The following OR51B5 variants were observed in gnomAD, a reference collection of about 807,000 sequenced individuals.
OR51B5 encodes the protein olfactory receptor 51B5.
For synonymous variants in OR51B5, 186 were observed against 144.8 expected (o/e 1.28, Z -2.04); for missense variants, 456 against 374.6 (o/e 1.22, Z -1.79).
At chr11:5,347,417 C>G (rs1480916012), upstream of OR51B5, among the ~76,000 whole-genome samples, 1 of 152,168 alleles carries the variant, frequency 6.6e-6, no homozygotes, top group Non-Finnish European at 1.5e-5. Context: ...CTGCAGTTAT[C>G]ACTAACTATT....
intron 1 of OR51B5, among the ~76,000 whole-genome samples, chr11:5,350,440 G>C (rs1414660551): frequency 6.6e-6 from 1 of 152,102 alleles, no homozygotes; most frequent in African/African-American, 2.4e-5. Flanking sequence ...AACCATAAGA[G>C]AAGGTGGGCC....
At chr11:5,363,797 A>G (rs1056136579) in intron 1 of OR51B5, among the ~76,000 whole-genome samples, 6 of 152,186 alleles carry the variant, frequency 3.9e-5, no homozygotes, top group Non-Finnish European at 5.9e-5. Flanking sequence ...ACCATATGCA[A>G]TACATCCAGA....
chr11:5,373,481 G>A (rs908424121), intron 1 of OR51B5, among the ~76,000 whole-genome samples: 6 of 152,114 alleles, frequency 3.9e-5, no homozygotes, highest in Non-Finnish European at 1.5e-5. Flanking sequence ...GTGGGCACAG[G>A]TCAGTGGGTG....
At chr11:5,489,322 G>C (rs761438834) in intron 1 of OR51B5, 1 of 1,613,748 alleles carries the variant, frequency 6.2e-7, no homozygotes, top group South Asian at 1.1e-5. Flanking sequence ...GCTAACTGTG[G>C]CTCTGCTGGC....
intron 1 of OR51B5, chr11:5,489,819 A>G (rs1851557160): frequency 1.6e-6 from 1 of 633,798 alleles, no homozygotes. Flanking sequence ...GCTATCAATT[A>G]TCACACTGAA....
chr11:5,412,398 G>A (rs569241860), intron 1 of OR51B5, among the ~76,000 whole-genome samples: 1 of 152,272 alleles, frequency 6.6e-6, no homozygotes. Context: ...TTCCATCTGA[G>A]GTATCAGGTT....
rs543359364 is a variant in OR51B5 at position 5,360,642 on chromosome 11, T to C, written n.85-13732A>G. Among the ~76,000 whole-genome samples the C allele has an allele frequency of 8.5e-5, 13 of 152,262 alleles. No homozygotes were observed. The South Asian group carries it at 2.1e-3, about 24-fold the overall frequency. The stretch of plus-strand genomic sequence containing the variant: ...TTGACCCAGCCATCCCATTACTGGG[T>C]ACATACTCAAAGGATTATAAATCAT... On this transcript the variant is annotated intron_variant and non_coding_transcript_variant, in intron 1 of 4. Transcript: ENST00000415970.
intron 1 of OR51B5, among the ~76,000 whole-genome samples, chr11:5,427,770 C>A (rs796642551): frequency 1.3e-5 from 2 of 152,098 alleles, no homozygotes; most frequent in African/African-American, 4.8e-5. Context: ...AAATGTTTTT[C>A]TACCATTATA....
chr11:5,418,172 G>T, intron 1 of OR51B5, among the ~76,000 whole-genome samples: 1 of 151,666 alleles, frequency 6.6e-6, no homozygotes, highest in Non-Finnish European at 1.5e-5. Context: ...ACCAAACACC[G>T]CATATTCTCA....
chr11:5,379,258 C>A (rs1349771646), intron 1 of OR51B5, among the ~76,000 whole-genome samples: 1 of 151,820 alleles, frequency 6.6e-6, no homozygotes, highest in Non-Finnish European at 1.5e-5. Flanking sequence ...GGGAACTGAA[C>A]AATGAGAACA....
intron 1 of OR51B5, chr11:5,403,346 G>A (rs923324070): frequency 2.1e-6 from 1 of 471,584 alleles, no homozygotes; most frequent in Admixed American, 2.3e-5. Context: ...TCTGTGCTGT[G>A]CTTGCTTACT....
intron 1 of OR51B5, among the ~76,000 whole-genome samples, chr11:5,407,959 T>C (rs1302822071): frequency 6.6e-6 from 1 of 152,158 alleles, no homozygotes. Flanking sequence ...TTTGAGAGAA[T>C]ATATTTTGAA....
At chr11:5,469,115 G>A (rs449937) in intron 1 of OR51B5, 170,857 of 224,600 alleles carry the variant, frequency 0.76, 65,424 homozygotes, top group Admixed American at 0.79. Flanking sequence ...GATGAAGAAC[G>A]TCTGGGCCAG....
chr11:5,452,506 A>T (rs1449787006), intron 1 of OR51B5, among the ~76,000 whole-genome samples: 1 of 7,460 alleles, frequency 1.3e-4, no homozygotes, highest in African/African-American at 5.7e-4. Flanking sequence ...CTCTGTCTCA[A>T]AAAAAAAAAA....
At chr11:5,461,636 C>T (rs1317209967) in intron 1 of OR51B5, among the ~76,000 whole-genome samples, 3 of 152,218 alleles carry the variant, frequency 2.0e-5, no homozygotes, top group African/African-American at 4.8e-5. Context: ...CCCCTTGGGC[C>T]TTGCACAGAC....
intron 1 of OR51B5, among the ~76,000 whole-genome samples, chr11:5,477,299 T>A (rs1564826467): frequency 6.6e-6 from 1 of 152,102 alleles, no homozygotes; most frequent in Non-Finnish European, 1.5e-5. Flanking sequence ...GAGAAACACT[T>A]ATCCCTTGAG....
At chr11:5,341,021 A>G (rs1240574100), downstream of OR51B5, 1 of 152,204 alleles carries the variant, frequency 6.6e-6, no homozygotes, top group Admixed American at 6.5e-5. Context: ...AAGGATAAAA[A>G]ACATGATAAA....
At position 5,457,972 on chromosome 11, in the gene OR51B5, T is replaced by G. The variant is rs555278044; in HGVS notation, n.84+47597A>C. On this transcript the variant is annotated intron_variant and non_coding_transcript_variant, in intron 1 of 4. Transcript: ENST00000415970. ...TGCCAAAGGTCTTTAGTTTAATGAG[T>G]TCCTACTTGTATATTTTTGTTTTGT... 5.9e-5 allele frequency among the ~76,000 whole-genome samples: 9 copies of G among 152,284 alleles called. No individual in the cohort carries two copies. The South Asian group carries it at 1.7e-3, about 28-fold the overall frequency.
At chr11:5,496,514 G>A (rs1436480146) in intron 1 of OR51B5, among the ~76,000 whole-genome samples, 3 of 152,086 alleles carry the variant, frequency 2.0e-5, no homozygotes, top group Non-Finnish European at 4.4e-5. Flanking sequence ...GCATGGCTTT[G>A]TATTACCTCT....
Sources: gnomAD v4.1 joint callset for allele counts (sites outside exome capture counted in the v4.1 genomes callset) on GRCh38, gnomAD v4.1.1 for gene constraint, MANE v1.5 for transcripts, NCBI Gene and HGNC (gene_info 2026-07-23, HGNC 2026-07-21) for gene names.